The following IQGAP1 variants were observed in gnomAD, a reference collection of about 807,000 sequenced individuals.
IQGAP1 encodes the protein IQ motif containing GTPase activating protein 1, also known as ras GTPase-activating-like protein IQGAP1.
A neutral mutation model predicts 215.6 loss-of-function variants in IQGAP1; 66 were observed. That is an observed-to-expected ratio of 0.31 (90% CI 0.25 to 0.38). IQGAP1 has a LOEUF of 0.38. Ranked by LOEUF, IQGAP1 falls within the 10% of genes least tolerant of loss-of-function variation. The pLI is 1.00. For synonymous variants in IQGAP1, 772 were observed against 728.7 expected (o/e 1.06, Z -0.96); for missense variants, 1,712 against 1,997.1 (o/e 0.86, Z 2.72).
At chr15:90,435,466 ACT>A (rs1461988776) in intron 5 of IQGAP1, among the ~76,000 whole-genome samples, 2 of 152,126 alleles carry the variant, frequency 1.3e-5, no homozygotes, top group Non-Finnish European at 2.9e-5. Context: ...ACAGAGCGAG[ACT>A]CTGTCTCTAA....
At chr15:90,492,099 T>TA (rs1966213522) in intron 34 of IQGAP1, among the ~76,000 whole-genome samples, 1 of 152,174 alleles carries the variant, frequency 6.6e-6, no homozygotes, top group Non-Finnish European at 1.5e-5. Flanking sequence ...TGCTAGAAGA[T>TA]ACAAATGGGG....
chr15:90,486,328 A>G (rs1014529126), intron 31 of IQGAP1, 196 bp downstream of exon 31: 31 of 412,454 alleles, frequency 7.5e-5, no homozygotes, highest in Non-Finnish European at 1.0e-4. Flanking sequence ...AATATCTATA[A>G]GGAACTGGAG....
intron 2 of IQGAP1, among the ~76,000 whole-genome samples, chr15:90,396,985 T>A (rs1964731154): frequency 6.6e-6 from 1 of 152,114 alleles, no homozygotes; most frequent in Non-Finnish European, 1.5e-5. Context: ...CCCGAGTAGC[T>A]GGGATTACAG....
chr15:90,417,434 A>G (rs1965069591), intron 2 of IQGAP1, among the ~76,000 whole-genome samples: 1 of 152,184 alleles, frequency 6.6e-6, no homozygotes, highest in Non-Finnish European at 1.5e-5. Context: ...ATGGCTAGCC[A>G]GTTTTCCCAG....
chr15:90,486,868 C>T, intron 31 of IQGAP1, 86 bp from the exon 32 acceptor site: 1 of 1,344,254 alleles, frequency 7.4e-7, no homozygotes, highest in South Asian at 1.3e-5. Context: ...TTATCTTAGA[C>T]TTGCATCATC....
intron 3 of IQGAP1, among the ~76,000 whole-genome samples, chr15:90,428,731 G>A (rs907936387): frequency 3.3e-5 from 5 of 149,554 alleles, no homozygotes; most frequent in Non-Finnish European, 5.9e-5. Flanking sequence ...GCAGTGAGCC[G>A]ATTGTGCCAG....
chr15:90,484,922 G>A (rs961153230), intron 30 of IQGAP1, among the ~76,000 whole-genome samples: 13 of 152,234 alleles, frequency 8.5e-5, no homozygotes, highest in Non-Finnish European at 1.5e-4. Flanking sequence ...CCTGGACACC[G>A]CCCCAGGCCT....
chr15:90,407,164 G>T lies in IQGAP1; in HGVS notation c.155+16291G>T, dbSNP rs1179173977. ...GAACCACTCCCAATCAGTGGGTGTT[G>T]GTTGTCCATTAGTTGAGACTTAGTT... On this transcript the variant is annotated intron_variant, in intron 2 of 37. Coordinates refer to ENST00000268182, the MANE Select transcript of IQGAP1 (RefSeq NM_003870.4). Among the ~76,000 whole-genome samples the T allele has an allele frequency of 2.0e-5, 3 of 152,192 alleles. No individual in the cohort carries two copies. In the East Asian group the frequency reaches 5.8e-4, roughly 29 times the overall value.
Position 90,476,686 on chromosome 15 carries a change from A to G in IQGAP1, c.2808A>G (p.Lys936=), listed in dbSNP as rs34639825. Residue 936 remains lysine, a synonymous_variant, in exon 24 of 38, where the codon AAA becomes AAG. Coordinates refer to ENST00000268182, the MANE Select transcript of IQGAP1 (RefSeq NM_003870.4). ...AGGATGTGGTTTCCCACAGTAAAAAACTTACCAAAAAAAATAAGGAACAGT... is the reference window on the plus strand; with the variant it reads ...AGGATGTGGTTTCCCACAGTAAAAAGCTTACCAAAAAAAATAAGGAACAGT... ...TLQDVVSHSK[K]LTKKNKEQLS... 7.0e-4 allele frequency: 1,105 copies of G among 1,587,694 alleles called. 9 individuals carry two copies. In the African/African-American group the frequency reaches 0.013, roughly 19 times the overall value.
At chr15:90,493,322 A>G (rs1161323565) in intron 35 of IQGAP1, among the ~76,000 whole-genome samples, 2 of 152,102 alleles carry the variant, frequency 1.3e-5, no homozygotes, top group Admixed American at 1.3e-4. Context: ...CTTAAGGAAT[A>G]TTATACAAAT....
chr15:90,443,022 C>T (rs1039975174), intron 8 of IQGAP1, among the ~76,000 whole-genome samples: 3 of 151,984 alleles, frequency 2.0e-5, no homozygotes, highest in African/African-American at 4.8e-5. Flanking sequence ...TGCAGTGGCA[C>T]GGTCATAACT....
At position 90,426,167 on chromosome 15, in the gene IQGAP1, G is replaced by A. The variant is rs1230096776; in HGVS notation, c.213G>A (p.Gly71=). The A allele has an allele frequency of 6.2e-7, 1 of 1,603,782 alleles. No homozygotes were observed. The highest frequency in any genetic ancestry group is 1.4e-5 in the African/African-American group (1 of 73,818). ...DLPPTTELEE[G]LRNGVYLAKL... ...CTCCCACCACAGAACTGGAGGAGGG[G>A]CTTAGGAATGGGGTCTACCTTGCCA... The change falls in exon 3 of 38, where the codon GGG becomes GGA. Residue 71 remains glycine, a synonymous_variant. Coordinates refer to ENST00000268182, the MANE Select transcript of IQGAP1 (RefSeq NM_003870.4).
chr15:90,426,642 A>G, intron 3 of IQGAP1, among the ~76,000 whole-genome samples: 1 of 152,110 alleles, frequency 6.6e-6, no homozygotes, highest in East Asian at 1.9e-4. Context: ...AGAAATAACT[A>G]GGGGAATTAC....
Position 90,449,600 on chromosome 15 carries a change from T to C in IQGAP1, c.1119T>C (p.Ser373=), listed in dbSNP as rs1270828923. 1 of 1,613,152 alleles carries C rather than the reference T, an allele frequency of 6.2e-7. No individual in the cohort carries two copies. The change falls in exon 11 of 38, where the codon TCT becomes TCC. Residue 373 remains serine, a synonymous_variant. Coordinates refer to ENST00000268182, the MANE Select transcript of IQGAP1 (RefSeq NM_003870.4). ...CCCTGCAGAAGGAGGAGCTGCAGTC[T>C]GGAGTGGATGCTGCAAACAGTGCTG... ...TDPLQKEELQ[S]GVDAANSAAQ...
At chr15:90,449,724 T>C (rs1596272123) in intron 11 of IQGAP1, 81 bp downstream of exon 11, 8 of 1,172,502 alleles carry the variant, frequency 6.8e-6, no homozygotes, top group Non-Finnish European at 8.6e-6. Flanking sequence ...TCTGTCATCG[T>C]CATCACCCAC....
intron 3 of IQGAP1, among the ~76,000 whole-genome samples, chr15:90,427,708 C>G (rs1044581885): frequency 2.6e-5 from 4 of 152,058 alleles, no homozygotes; most frequent in African/African-American, 7.2e-5. Context: ...CCACTGCACT[C>G]CAGCCTGGGC....
chr15:90,502,021 C>T lies in IQGAP1; in HGVS notation c.*1913C>T, dbSNP rs1966347969. ...TTTAGTAGCACAGAGGATGCCCCAA[C>T]AAACTCATGGCGTTGAAACCACACA... On this transcript the variant is annotated 3_prime_UTR_variant, in exon 38 of 38. Coordinates refer to ENST00000268182, the MANE Select transcript of IQGAP1 (RefSeq NM_003870.4). 6.6e-6 allele frequency: 1 copy of T among 152,668 alleles called. No individual in the cohort carries two copies. Among genetic ancestry groups the T allele is most frequent in the South Asian group, 2.1e-4 (1 of 4,834 alleles). The allele number at this position is 152,668 out of a possible 1,614,324, so 9.5% of individuals were successfully genotyped here.
chr15:90,405,943 C>T (rs1964871896), intron 2 of IQGAP1, among the ~76,000 whole-genome samples: 2 of 151,944 alleles, frequency 1.3e-5, no homozygotes, highest in South Asian at 2.1e-4. Flanking sequence ...TTTACATTCT[C>T]CGTTGAGTTA....
chr15:90,462,026 G>T (rs1213742713), intron 15 of IQGAP1, among the ~76,000 whole-genome samples: 1 of 150,738 alleles, frequency 6.6e-6, no homozygotes, highest in East Asian at 1.9e-4. Context: ...GCCCGGCATG[G>T]TGGTAGGCGC....
Sources: allele counts gnomAD v4.1 joint callset (sites outside exome capture counted in the v4.1 genomes callset), GRCh38; gene constraint gnomAD v4.1.1; transcripts MANE v1.5; gene names NCBI Gene and HGNC (gene_info 2026-07-23, HGNC 2026-07-21).